SECISBP2L: variants seen among roughly 807,000 people sequenced by gnomAD.
The protein encoded by SECISBP2L is selenocysteine insertion sequence-binding protein 2-like.
SECISBP2L carries 43 observed loss-of-function variants against 114.7 expected under a neutral mutation model. The ratio of observed to expected loss-of-function variants is 0.38; its 90% CI spans 0.29 to 0.48. SECISBP2L has a LOEUF of 0.48. Among genes scored for constraint, SECISBP2L ranks in the 20% least tolerant of loss-of-function variants. SECISBP2L has a pLI of 0.98. For synonymous variants in SECISBP2L, 451 were observed against 439.7 expected (o/e 1.03, Z -0.32); for missense variants, 1,136 against 1,301.1 (o/e 0.87, Z 1.95).
chr15:49,016,017 CAG>C (rs1902528149), intron 11 of SECISBP2L, among the ~76,000 whole-genome samples: 1 of 152,118 alleles, frequency 6.6e-6, no homozygotes, highest in Non-Finnish European at 1.5e-5. Context: ...GCAGCTAGAG[CAG>C]AGTGTGTTAG....
At chr15:49,001,171 A>G (rs1202003752) in intron 14 of SECISBP2L, 74 bp from the exon 15 acceptor site, 7 of 915,196 alleles carry the variant, frequency 7.6e-6, no homozygotes, top group Non-Finnish European at 1.1e-5. Context: ...CATTAAGAAA[A>G]TATCTCTAAG....
At chr15:49,033,280 C>T (rs1165913686) in intron 3 of SECISBP2L, among the ~76,000 whole-genome samples, 180 bp from the exon 4 acceptor site, 4 of 152,164 alleles carry the variant, frequency 2.6e-5, no homozygotes, top group Admixed American at 6.5e-5. Context: ...GCAAAGCATA[C>T]GAGGCTAAAC....
At chr15:49,014,485 C>T (rs1456475189) in intron 11 of SECISBP2L, among the ~76,000 whole-genome samples, 1 of 152,120 alleles carries the variant, frequency 6.6e-6, no homozygotes, top group African/African-American at 2.4e-5. Context: ...CAGAATCTCC[C>T]ATGCTAGCAT....
intron 11 of SECISBP2L, among the ~76,000 whole-genome samples, chr15:49,016,192 G>A (rs538534742): frequency 3.9e-5 from 6 of 152,284 alleles, no homozygotes; most frequent in African/African-American, 9.6e-5. Flanking sequence ...TCCTTTTAAC[G>A]CAGACAAGGG....
At chr15:48,994,204 C>T (rs1303946089) in intron 17 of SECISBP2L, among the ~76,000 whole-genome samples, 1 of 151,978 alleles carries the variant, frequency 6.6e-6, no homozygotes, top group East Asian at 1.9e-4. Flanking sequence ...CTTATAGTAA[C>T]ACTTGATCCT....
At chr15:49,003,222 G>A (rs535651894) in intron 14 of SECISBP2L, among the ~76,000 whole-genome samples, 1 of 152,140 alleles carries the variant, frequency 6.6e-6, no homozygotes, top group Non-Finnish European at 1.5e-5. Flanking sequence ...ATTGTGAATG[G>A]GAGTTCACTC....
At chr15:48,993,485 T>G (rs1055628538) in intron 17 of SECISBP2L, among the ~76,000 whole-genome samples, 1 of 152,056 alleles carries the variant, frequency 6.6e-6, no homozygotes, top group Non-Finnish European at 1.5e-5. Flanking sequence ...AGCCTAGAGG[T>G]GTAATGGGCT....
chr15:49,019,494 T>C lies in SECISBP2L; in HGVS notation c.1094A>G (p.Lys365Arg). Residue 365 changes from lysine (K) to arginine (R), a missense_variant, in exon 8 of 18, where the codon AAG becomes AGG. Lys to Arg is a conservative substitution (Grantham distance 26). Around this residue, in one of 2 missense-constraint regions of SECISBP2L, gnomAD observed 452 missense variants for 452.3 expected, o/e 1.00. Transcript: ENST00000559471. ...GCTTAAATGCTTATTATCTGGTCTC[T>C]TTTGCAAATTCTGTCTTCTTTCTGA... ...TSSERRQNLQ[K>R]RPDNKHLSSS... is the part of the protein sequence containing the mutation. 1 of 1,513,326 alleles carries C rather than the reference T, an allele frequency of 6.6e-7. No individual in the cohort carries two copies. The highest frequency in any genetic ancestry group is 8.8e-7 in the Non-Finnish European group (1 of 1,137,690). The allele number at this position is 1,513,326 out of a possible 1,614,324, so 93.7% of individuals were successfully genotyped here. A position where few individuals can be genotyped will look rare whatever the true frequency, so the allele number is the denominator to read the frequency against.
At chr15:49,044,666 A>T (rs1236628053) in intron 1 of SECISBP2L, among the ~76,000 whole-genome samples, 1 of 152,202 alleles carries the variant, frequency 6.6e-6, no homozygotes, top group Non-Finnish European at 1.5e-5. Flanking sequence ...CCTAGTTCTT[A>T]AATTTCTACA....
intron 14 of SECISBP2L, among the ~76,000 whole-genome samples, chr15:49,003,598 T>G (rs1902255009): frequency 6.6e-6 from 1 of 152,206 alleles, no homozygotes; most frequent in Admixed American, 6.5e-5. Flanking sequence ...CTCTTATTAT[T>G]TTGAGATACA....
chr15:49,036,423 T>C (rs909505128), intron 2 of SECISBP2L, among the ~76,000 whole-genome samples: 1 of 152,180 alleles, frequency 6.6e-6, no homozygotes, highest in African/African-American at 2.4e-5. Flanking sequence ...AATAGTAAAA[T>C]GTTCACGGCC....
intron 12 of SECISBP2L, 112 bp from the exon 13 acceptor site, chr15:49,011,975 G>A: frequency 8.0e-7 from 1 of 1,250,374 alleles, no homozygotes; most frequent in Non-Finnish European, 1.1e-6. Flanking sequence ...ATGAACATGA[G>A]AAGTTTGGCT....
intron 1 of SECISBP2L, 104 bp downstream of exon 1, chr15:49,046,172 G>GC (rs1026710330): frequency 1.6e-5 from 21 of 1,349,714 alleles, no homozygotes; most frequent in Non-Finnish European, 2.1e-5. Context: ...GTCTGCGGCC[G>GC]CAGGACCGGC....
intron 4 of SECISBP2L, among the ~76,000 whole-genome samples, chr15:49,029,958 A>T (rs1902851193): frequency 7.2e-6 from 1 of 138,538 alleles, no homozygotes; most frequent in African/African-American, 2.7e-5. Context: ...TTTTATTAAT[A>T]TTACTTTTGA....
chr15:49,024,137 A>G (rs1902694823), intron 7 of SECISBP2L, among the ~76,000 whole-genome samples: 1 of 152,166 alleles, frequency 6.6e-6, no homozygotes, highest in South Asian at 2.1e-4. Context: ...TCCTGTAATT[A>G]AACAGCATGG....
chr15:49,001,313 AT>A (rs559557571), intron 14 of SECISBP2L, among the ~76,000 whole-genome samples: 4 of 152,300 alleles, frequency 2.6e-5, no homozygotes, highest in Middle Eastern at 6.8e-3. Context: ...TTTCAAATAG[AT>A]TTTTTTAAGT....
intron 7 of SECISBP2L, among the ~76,000 whole-genome samples, chr15:49,024,214 T>C (rs1255132140): frequency 2.6e-5 from 4 of 152,060 alleles, no homozygotes; most frequent in African/African-American, 7.2e-5. Context: ...AAGAAATCAG[T>C]AGGCTGGGTG....
At chr15:49,031,621 C>T (rs1054677677) in intron 4 of SECISBP2L, among the ~76,000 whole-genome samples, 1 of 151,976 alleles carries the variant, frequency 6.6e-6, no homozygotes, top group African/African-American at 2.4e-5. Flanking sequence ...CTGATTGATA[C>T]CAATTAATCC....
At position 49,038,359 on chromosome 15, in the gene SECISBP2L, C is replaced by A. The variant is rs1480887965; in HGVS notation, c.25-590G>T. On this transcript the variant is annotated intron_variant, in intron 1 of 17. Transcript: ENST00000559471. ...ACACATGTGAGTAAACTAAAGTAAT[C>A]CAAGATATGTAATCCATTTTAGTTT... Among the ~76,000 whole-genome samples, 3 of 151,216 alleles carry A rather than the reference C, an allele frequency of 2.0e-5. No homozygotes were observed. The East Asian group carries it at 5.8e-4, about 29-fold the overall frequency.
Sources: allele counts gnomAD v4.1 joint callset (sites outside exome capture counted in the v4.1 genomes callset), GRCh38; gene constraint gnomAD v4.1.1; regional missense constraint gnomAD v4.1.1; transcripts MANE v1.5; gene names NCBI Gene and HGNC (gene_info 2026-07-23, HGNC 2026-07-21).